GLRB: variants seen among roughly 807,000 people sequenced by gnomAD.
The protein encoded by GLRB is glycine receptor subunit beta.
A neutral mutation model predicts 54.2 loss-of-function variants in GLRB; 33 were observed. The observed-to-expected ratio is 0.61, with a 90% confidence interval of 0.46 to 0.81. The LOEUF (loss-of-function observed/expected upper bound fraction) is 0.81. Among genes scored for constraint, GLRB ranks in the 40% least tolerant of loss-of-function variants. GLRB has a pLI of 0.00. For missense variants in GLRB, 572 were observed against 584.6 expected (o/e 0.98, Z 0.22); for synonymous variants, 209 against 208.2 (o/e 1.00, Z -0.03).
intron 2 of GLRB, among the ~76,000 whole-genome samples, chr4:157,087,535 T>G (rs1395435938): frequency 6.6e-6 from 1 of 152,144 alleles, no homozygotes; most frequent in Non-Finnish European, 1.5e-5. Flanking sequence ...ACTATTTTAG[T>G]GTTTTGTTGG....
intron 2 of GLRB, among the ~76,000 whole-genome samples, chr4:157,094,985 A>G (rs2126463029): frequency 6.6e-6 from 1 of 152,376 alleles, no homozygotes; most frequent in Admixed American, 6.5e-5. Context: ...TATTGATTCA[A>G]AAGAGTCAAA....
intron 2 of GLRB, among the ~76,000 whole-genome samples, chr4:157,099,059 G>A (rs1277433428): frequency 2.0e-5 from 3 of 152,134 alleles, no homozygotes; most frequent in African/African-American, 7.2e-5. Flanking sequence ...ATTGATCAGT[G>A]AGGACAAACA....
chr4:157,078,757 A>T (rs1266050338), intron 2 of GLRB, among the ~76,000 whole-genome samples: 1 of 152,190 alleles, frequency 6.6e-6, no homozygotes, highest in Admixed American at 6.5e-5. Context: ...CAAAAGACAA[A>T]GTTTTGTGGT....
At position 157,153,613 on chromosome 4, in the gene GLRB, C is replaced by T. The variant is rs186803265; in HGVS notation, c.1197+603C>T. On this transcript the variant is annotated intron_variant, in intron 9 of 9. Transcript: ENST00000264428. Reference sequence around the variant, plus strand: ...GAATATTTAAGATTTTACCCCATAACCCTGCCTTGTCAATTAATTATGGGT... The same window carrying T: ...GAATATTTAAGATTTTACCCCATAATCCTGCCTTGTCAATTAATTATGGGT... Among the ~76,000 whole-genome samples the T allele has an allele frequency of 7.2e-5, 11 of 152,246 alleles. No homozygotes were observed. In the East Asian group the frequency reaches 2.1e-3, roughly 29 times the overall value.
intron 2 of GLRB, among the ~76,000 whole-genome samples, chr4:157,092,590 C>T (rs1257156622): frequency 6.6e-6 from 1 of 152,166 alleles, no homozygotes; most frequent in Admixed American, 6.5e-5. Context: ...TTACACATAG[C>T]TTTCCTCATA....
At chr4:157,083,284 T>A (rs1178318940) in intron 2 of GLRB, among the ~76,000 whole-genome samples, 1 of 152,056 alleles carries the variant, frequency 6.6e-6, no homozygotes, top group African/African-American at 2.4e-5. Context: ...TCCAAAGTTT[T>A]AAAAAACTGT....
At chr4:157,153,171 C>T (rs570788919) in intron 9 of GLRB, among the ~76,000 whole-genome samples, 161 bp downstream of exon 9, 6 of 152,226 alleles carry the variant, frequency 3.9e-5, no homozygotes, top group South Asian at 2.1e-4. Context: ...TTTTGGGAAA[C>T]GTGCTTTTTA....
intron 2 of GLRB, among the ~76,000 whole-genome samples, chr4:157,114,760 A>T (rs931929477): frequency 1.3e-5 from 2 of 151,790 alleles, no homozygotes; most frequent in Non-Finnish European, 2.9e-5. Context: ...TGTGTTTCCC[A>T]TGACTAGACT....
At chr4:157,120,411 A>T (rs1735768122) in intron 2 of GLRB, 145 bp from the exon 3 acceptor site, 1 of 240,874 alleles carries the variant, frequency 4.2e-6, no homozygotes, top group African/African-American at 2.5e-5. Flanking sequence ...AAATAATAAA[A>T]TAAAATAAAT....
At chr4:157,114,562 C>T (rs1235953762) in intron 2 of GLRB, among the ~76,000 whole-genome samples, 3 of 151,760 alleles carry the variant, frequency 2.0e-5, no homozygotes, top group African/African-American at 7.2e-5. Context: ...CCTCTTTGGT[C>T]TTTACCTTAA....
intron 2 of GLRB, among the ~76,000 whole-genome samples, chr4:157,090,152 C>T (rs967566823): frequency 2.6e-5 from 4 of 152,102 alleles, no homozygotes; most frequent in Non-Finnish European, 5.9e-5. Flanking sequence ...TCTAAGGTCC[C>T]CTCTACAACC....
Position 157,122,368 on chromosome 4 carries a change from A to G in GLRB, c.268A>G (p.Ser90Gly). The change falls in exon 4 of 10, where the codon AGT (serine) becomes GGT (glycine). Residue 90 changes from serine (S) to glycine (G), a missense_variant. Coordinates refer to ENST00000264428, the MANE Select transcript of GLRB (RefSeq NM_000824.5). ...TGTAGTAGTCAACATTTTTATTAACAGTTTTGGATCCATTCAAGAAACAAC... is the reference window on the plus strand; with the variant it reads ...TGTAGTAGTCAACATTTTTATTAACGGTTTTGGATCCATTCAAGAAACAAC... The part of the protein sequence containing the change: ...VDVVVNIFIN[S>G]FGSIQETTMD... The G allele has an allele frequency of 7.6e-7, 1 of 1,317,576 alleles. No homozygotes were observed. Among genetic ancestry groups the G allele is most frequent in the Non-Finnish European group, 1.1e-6 (1 of 921,830 alleles). 81.6% of individuals were successfully genotyped at this position (1,317,576 alleles called of 1,614,324 possible). A position where few individuals can be genotyped will look rare whatever the true frequency, so the allele number is the denominator to read the frequency against.
chr4:157,155,023 A>G (rs1333471940), intron 9 of GLRB, among the ~76,000 whole-genome samples: 1 of 152,222 alleles, frequency 6.6e-6, no homozygotes, highest in Non-Finnish European at 1.5e-5. Context: ...TATAATTTAG[A>G]AAACTCAAGG....
chr4:157,128,615 C>G (rs1451996305), intron 4 of GLRB, among the ~76,000 whole-genome samples: 2 of 151,724 alleles, frequency 1.3e-5, no homozygotes, highest in Admixed American at 6.6e-5. Context: ...CCTAGTGTGG[C>G]ACCATAGCAC....
At chr4:157,163,177 C>T (rs1015866356) in intron 9 of GLRB, among the ~76,000 whole-genome samples, 4 of 152,142 alleles carry the variant, frequency 2.6e-5, no homozygotes, top group South Asian at 2.1e-4. Context: ...TTGCTAAGAC[C>T]GTTGGAAAAG....
intron 2 of GLRB, among the ~76,000 whole-genome samples, chr4:157,102,182 T>C (rs1560942863): frequency 6.6e-6 from 1 of 152,250 alleles, no homozygotes; most frequent in East Asian, 1.9e-4. Context: ...GAGGTTGTTT[T>C]ATTTTAAATT....
At chr4:157,166,880 A>G (rs1003310485) in intron 9 of GLRB, among the ~76,000 whole-genome samples, 2 of 152,048 alleles carry the variant, frequency 1.3e-5, no homozygotes, top group Admixed American at 1.3e-4. Context: ...AAATCCTAAT[A>G]TTATTTAAAT....
At chr4:157,157,789 G>T (rs555244510) in intron 9 of GLRB, among the ~76,000 whole-genome samples, 1 of 152,058 alleles carries the variant, frequency 6.6e-6, no homozygotes, top group Non-Finnish European at 1.5e-5. Context: ...GAATAGTGCC[G>T]CAATAAACAT....
At chr4:157,153,334 C>G (rs1737098917) in intron 9 of GLRB, among the ~76,000 whole-genome samples, 1 of 152,134 alleles carries the variant, frequency 6.6e-6, no homozygotes, top group African/African-American at 2.4e-5. Flanking sequence ...GAGCACAGAC[C>G]TTCCTATTGT....
Sources: allele counts gnomAD v4.1 joint callset (sites outside exome capture counted in the v4.1 genomes callset), GRCh38; gene constraint gnomAD v4.1.1; transcripts MANE v1.5; gene names NCBI Gene and HGNC (gene_info 2026-07-23, HGNC 2026-07-21).